CADPS: variants seen among roughly 807,000 people sequenced by gnomAD.
CADPS encodes the protein calcium dependent secretion activator.
Under a neutral mutation model 167.3 loss-of-function variants are expected in CADPS, and 57 were observed. That is an observed-to-expected ratio of 0.34 (90% confidence interval 0.28 to 0.42). The LOEUF is 0.42. CADPS is among the 20% of genes least tolerant of loss of function. The pLI, the probability that CADPS is intolerant of heterozygous loss-of-function variation, is 1.00. For missense variants in CADPS, 1,414 were observed against 1,738.1 expected (o/e 0.81, Z 3.32); for synonymous variants, 676 against 635.3 (o/e 1.06, Z -0.96).
At chr3:62,537,588 TA>T (rs2074938588) in intron 11 of CADPS, among the ~76,000 whole-genome samples, 1 of 152,182 alleles carries the variant, frequency 6.6e-6, no homozygotes, top group Non-Finnish European at 1.5e-5. Context: ...CAAAAGATTT[TA>T]TTCATCCTTT....
chr3:62,489,111 T>C (rs1414445293), intron 21 of CADPS, among the ~76,000 whole-genome samples: 12 of 152,128 alleles, frequency 7.9e-5, no homozygotes, highest in Non-Finnish European at 4.4e-5. Flanking sequence ...TTTCTGATGG[T>C]ATTAAGAATA....
chr3:62,572,337 C>G (rs2081441412), intron 8 of CADPS, among the ~76,000 whole-genome samples: 1 of 152,114 alleles, frequency 6.6e-6, no homozygotes, highest in African/African-American at 2.4e-5. Context: ...TCTGTCTTCC[C>G]TCTTCCCACT....
At chr3:62,855,594 A>C (rs1456219085) in intron 1 of CADPS, among the ~76,000 whole-genome samples, 1 of 152,172 alleles carries the variant, frequency 6.6e-6, no homozygotes, top group Non-Finnish European at 1.5e-5. Context: ...CCAAGCAATA[A>C]ATATTTTTTA....
At position 62,478,379 on chromosome 3, in the gene CADPS, G is replaced by T; in HGVS notation, c.3211C>A (p.Leu1071Ile). 2 of 1,613,812 alleles carry T rather than the reference G, an allele frequency of 1.2e-6. No individual in the cohort carries two copies. Among genetic ancestry groups the T allele is most frequent in the Non-Finnish European group, 8.5e-7 (1 of 1,179,814 alleles). ...SGTSEDLFWKLDALQTFIRDL... is the reference protein window; with the variant it reads ...SGTSEDLFWKIDALQTFIRDL... ...CGAATGAAGGTCTGAAGGGCGTCAA[G>T]TTTCCAAAACAGATCTTCTGAGGTG... Residue 1071 changes from leucine (L) to isoleucine (I), a missense_variant, in exon 23 of 30, where the codon CTT (leucine) becomes ATT (isoleucine). Around this residue, in one of 6 missense-constraint regions of CADPS, gnomAD observed 529 missense variants for 629.6 expected, o/e 0.84. Coordinates refer to ENST00000383710, the MANE Select transcript of CADPS (RefSeq NM_003716.4). This position sits in a 1 kb window ranked among gnomAD's most constrained non-coding sequence, Gnocchi z 5.7.
intron 3 of CADPS, among the ~76,000 whole-genome samples, chr3:62,745,301 C>T (rs146663724): frequency 8.5e-5 from 13 of 152,174 alleles, no homozygotes; most frequent in African/African-American, 2.2e-4. Flanking sequence ...TTGAACTCCT[C>T]GTCTCAAGTG....
At chr3:62,779,757 T>C (rs990921529) in intron 1 of CADPS, 6 of 332,090 alleles carry the variant, frequency 1.8e-5, no homozygotes, top group African/African-American at 1.3e-4. Flanking sequence ...GTAGGTTACC[T>C]GGCCAACCTC....
intron 21 of CADPS, among the ~76,000 whole-genome samples, chr3:62,488,314 G>C (rs1047140374): frequency 1.6e-4 from 25 of 152,138 alleles, no homozygotes; most frequent in Non-Finnish European, 3.2e-4. Flanking sequence ...AACATGGAGA[G>C]AGTCACTCCT....
chr3:62,684,917 T>C (rs2077731354), intron 3 of CADPS, among the ~76,000 whole-genome samples: 1 of 152,030 alleles, frequency 6.6e-6, no homozygotes, highest in African/African-American at 2.4e-5. Flanking sequence ...GAGAATTCTC[T>C]CTTCTTGATA....
intron 1 of CADPS, among the ~76,000 whole-genome samples, chr3:62,777,684 AT>A (rs202127823): frequency 4.6e-5 from 7 of 152,064 alleles, no homozygotes; most frequent in Non-Finnish European, 4.4e-5. Flanking sequence ...TTTCTGCTCA[AT>A]TTTTTTATAA....
rs568774790 is a variant in CADPS at position 62,587,223 on chromosome 3, T to G, written c.1438-1899A>C. Among the ~76,000 whole-genome samples, 5 of 152,298 alleles carry G rather than the reference T, an allele frequency of 3.3e-5. No homozygotes were observed. In the East Asian group the frequency reaches 9.7e-4, roughly 29 times the overall value. On this transcript the variant is annotated intron_variant, in intron 7 of 29. Transcript: ENST00000383710. The stretch of plus-strand genomic sequence containing the variant: ...TCTGAGGTCGCTTATTTTGTAAAGG[T>G]TGATTTAGTTAAAGCTCCAGCATAA...
intron 13 of CADPS, among the ~76,000 whole-genome samples, chr3:62,523,447 T>C (rs2071246418): frequency 6.6e-6 from 1 of 152,220 alleles, no homozygotes; most frequent in African/African-American, 2.4e-5. Context: ...TTAGTGTTGT[T>C]AAATTGTCAC....
chr3:62,471,690 C>T (rs903873201), intron 24 of CADPS, among the ~76,000 whole-genome samples: 6 of 152,062 alleles, frequency 3.9e-5, no homozygotes, highest in Non-Finnish European at 8.8e-5. Flanking sequence ...TTGTATCAAC[C>T]CTTCTGCACC....
chr3:62,537,273 G>A (rs1185549417), intron 11 of CADPS, among the ~76,000 whole-genome samples: 2 of 152,192 alleles, frequency 1.3e-5, no homozygotes, highest in Non-Finnish European at 2.9e-5. Flanking sequence ...ACTCAGCAAG[G>A]GCTATGATCT....
chr3:62,443,631 G>A (rs758785863), intron 27 of CADPS, among the ~76,000 whole-genome samples: 31 of 152,016 alleles, frequency 2.0e-4, no homozygotes, highest in East Asian at 1.9e-4. Context: ...ATGGTTTTAC[G>A]GGGGCTTTTT....
At chr3:62,467,802 T>C (rs903314700) in intron 24 of CADPS, among the ~76,000 whole-genome samples, 1 of 152,128 alleles carries the variant, frequency 6.6e-6, no homozygotes, top group African/African-American at 2.4e-5. Flanking sequence ...AGTGCCCGAG[T>C]CCTTTCCTGT....
At chr3:62,852,930 C>G (rs533217042) in intron 1 of CADPS, among the ~76,000 whole-genome samples, 2 of 152,122 alleles carry the variant, frequency 1.3e-5, no homozygotes, top group African/African-American at 4.8e-5. Context: ...TTCCAATATT[C>G]AATTACTCCT....
intron 10 of CADPS, among the ~76,000 whole-genome samples, chr3:62,551,516 C>T (rs2077314641): frequency 6.6e-6 from 1 of 152,184 alleles, no homozygotes; most frequent in African/African-American, 2.4e-5. Flanking sequence ...GCCAGAGTCC[C>T]TGATTTAGCA....
chr3:62,842,151 G>T (rs2076731938), intron 1 of CADPS, among the ~76,000 whole-genome samples: 1 of 152,208 alleles, frequency 6.6e-6, no homozygotes, highest in South Asian at 2.1e-4. Flanking sequence ...AGAGGGTAGA[G>T]TGCTCATGTA....
chr3:62,681,051 C>G (rs1309400309), intron 3 of CADPS, among the ~76,000 whole-genome samples: 1 of 152,078 alleles, frequency 6.6e-6, no homozygotes, highest in East Asian at 1.9e-4. Flanking sequence ...CGACCCTGCT[C>G]CATGCATTTC....
Sources: allele counts gnomAD v4.1 joint callset (sites outside exome capture counted in the v4.1 genomes callset), GRCh38; gene constraint gnomAD v4.1.1; regional missense constraint gnomAD v4.1.1; non-coding constraint Gnocchi (gnomAD v3.1); transcripts MANE v1.5; gene names NCBI Gene and HGNC (gene_info 2026-07-23, HGNC 2026-07-21).